The following ZFHX3 variants were observed in gnomAD, a reference collection of about 807,000 sequenced individuals.
ZFHX3 encodes the protein zinc finger homeobox 3, also known as zinc finger homeobox protein 3.
A neutral mutation model predicts 279.1 loss-of-function variants in ZFHX3; 42 were observed. The observed-to-expected ratio is 0.15, with a 90% CI of 0.12 to 0.19. The LOEUF is 0.19. Among genes scored for constraint, ZFHX3 ranks in the 10% least tolerant of loss-of-function variants. The probability of loss-of-function intolerance (pLI) is 1.00; values close to 1 mark genes in which losing one functional copy is unlikely to be tolerated. For synonymous variants in ZFHX3, 2,293 were observed against 1,957.8 expected, an observed-to-expected ratio of 1.17 and a Z score of -4.52; for missense variants, 4,981 against 4,754.0, an observed-to-expected ratio of 1.05 and a Z score of -1.40.
intron 2 of ZFHX3, among the ~76,000 whole-genome samples, chr16:73,505,936 A>G (rs2019318839): frequency 6.6e-6 from 1 of 152,208 alleles, no homozygotes; most frequent in Non-Finnish European, 1.5e-5. Flanking sequence ...CCGTCCATTC[A>G]GTATTTCTTG....
At chr16:73,432,373 T>G (rs1051041041) in intron 3 of ZFHX3, among the ~76,000 whole-genome samples, 5 of 152,164 alleles carry the variant, frequency 3.3e-5, no homozygotes, top group Admixed American at 6.5e-5. Flanking sequence ...GACTGGATAT[T>G]GAAACAGACA....
chr16:73,311,361 G>C (rs562423883), intron 4 of ZFHX3, among the ~76,000 whole-genome samples: 1 of 152,052 alleles, frequency 6.6e-6, no homozygotes, highest in Non-Finnish European at 1.5e-5. Flanking sequence ...TTGGGAGGCC[G>C]AGGCAGGCAG....
chr16:73,823,881 G>A (rs867658259), intron 1 of ZFHX3, among the ~76,000 whole-genome samples: 1 of 152,194 alleles, frequency 6.6e-6, no homozygotes, highest in African/African-American at 2.4e-5. Context: ...GATGGCAAGA[G>A]TCATAGGAGG....
chr16:73,585,237 G>A (rs2051912725), intron 2 of ZFHX3, among the ~76,000 whole-genome samples: 2 of 152,196 alleles, frequency 1.3e-5, no homozygotes, highest in Admixed American at 1.3e-4. Flanking sequence ...CCAACATGGT[G>A]AAACCCCATC....
At chr16:73,719,946 G>A (rs958195424) in intron 1 of ZFHX3, among the ~76,000 whole-genome samples, 7 of 152,094 alleles carry the variant, frequency 4.6e-5, no homozygotes, top group Non-Finnish European at 8.8e-5. Flanking sequence ...TTTTCTCACG[G>A]CTATCTTCCA....
At chr16:72,836,881 A>C (rs2037205978) in intron 4 of ZFHX3, among the ~76,000 whole-genome samples, 1 of 152,146 alleles carries the variant, frequency 6.6e-6, no homozygotes, top group African/African-American at 2.4e-5. Context: ...GGGCAGGAGA[A>C]AGCAGGCAGG....
chr16:73,267,918 A>G (rs1230082118), intron 4 of ZFHX3, among the ~76,000 whole-genome samples: 1 of 152,020 alleles, frequency 6.6e-6, no homozygotes, highest in East Asian at 1.9e-4. Context: ...TTATTTTTTC[A>G]ATTTGTGATG....
At chr16:73,512,657 C>T (rs2019453756) in intron 2 of ZFHX3, among the ~76,000 whole-genome samples, 1 of 152,060 alleles carries the variant, frequency 6.6e-6, no homozygotes, top group Non-Finnish European at 1.5e-5. Flanking sequence ...GGCAAAGATA[C>T]CTGGAGCCAG....
In ZFHX3 at chr16:72,796,136, G is replaced by C. The variant is rs147477608; in HGVS notation, c.6546C>G (p.Ser2182=). ...GCTTGATCACTTTCTGGGGCAACCC[G>C]GACTTGTCTGCCATCTCTTTTATTT... ...EEQIKEMADK[S]GLPQKVIKHW... Residue 2182 remains serine (S), a synonymous_variant, in exon 9 of 10, where the codon TCC becomes TCG. Coordinates refer to ENST00000268489, the MANE Select transcript of ZFHX3 (RefSeq NM_006885.4). 6.8e-6 allele frequency: 11 copies of C among 1,614,036 alleles called. 1 individual carries two copies. Among genetic ancestry groups the C allele is most frequent in the Middle Eastern group, 1.6e-4 (1 of 6,084 alleles).
intron 2 of ZFHX3, among the ~76,000 whole-genome samples, chr16:73,614,966 C>T (rs891538913): frequency 6.6e-6 from 1 of 151,822 alleles, no homozygotes; most frequent in African/African-American, 2.4e-5. Flanking sequence ...TGCCATGTTG[C>T]CCAGGCTGAT....
chr16:73,509,013 C>T (rs1408567681), intron 2 of ZFHX3, among the ~76,000 whole-genome samples: 1 of 152,132 alleles, frequency 6.6e-6, no homozygotes, highest in Non-Finnish European at 1.5e-5. Flanking sequence ...ATGGACCAAA[C>T]CCATCCCAAA....
chr16:72,864,118 GA>G (rs566874099), intron 4 of ZFHX3, among the ~76,000 whole-genome samples: 51 of 148,328 alleles, frequency 3.4e-4, no homozygotes, highest in African/African-American at 9.4e-4. Flanking sequence ...ACTCCATCTC[GA>G]AAAAAAAAAA....
At chr16:73,135,544 C>T (rs1032047299) in intron 6 of ZFHX3, among the ~76,000 whole-genome samples, 1 of 152,190 alleles carries the variant, frequency 6.6e-6, no homozygotes, top group African/African-American at 2.4e-5. Flanking sequence ...AGTTCCGAAT[C>T]GCTCACTTCT....
chr16:73,215,718 G>T (rs1030619858), intron 5 of ZFHX3, among the ~76,000 whole-genome samples: 1 of 152,178 alleles, frequency 6.6e-6, no homozygotes, highest in African/African-American at 2.4e-5. Context: ...AACTGATCAT[G>T]TCCTCTGTGT....
rs921876975 is a variant in ZFHX3, at chr16:72,786,595, A to C, written c.*569T>G. 6.6e-6 allele frequency: 1 copy of C among 151,800 alleles called. No individual in the cohort carries two copies. Among genetic ancestry groups the C allele is most frequent in the Non-Finnish European group, 1.5e-5 (1 of 67,854 alleles). 9.4% of individuals were successfully genotyped at this position (151,800 alleles called of 1,614,324 possible). On this transcript the variant is annotated 3_prime_UTR_variant, in exon 10 of 10. Coordinates refer to ENST00000268489, the MANE Select transcript of ZFHX3 (RefSeq NM_006885.4). Reference sequence around the variant, plus strand: ...AATCTTTTCTGGAACAAAAAAAAAAAAAAAAACTGAAAAAACAATAATATA... The same window carrying C: ...AATCTTTTCTGGAACAAAAAAAAAACAAAAAACTGAAAAAACAATAATATA...
chr16:73,701,119 T>C (rs979387836), intron 1 of ZFHX3, among the ~76,000 whole-genome samples: 2 of 152,168 alleles, frequency 1.3e-5, no homozygotes, highest in Non-Finnish European at 2.9e-5. Flanking sequence ...GAAGTTTAAA[T>C]GGAAAGGAAA....
At chr16:73,208,424 T>C (rs1408278320) in intron 5 of ZFHX3, among the ~76,000 whole-genome samples, 1 of 152,218 alleles carries the variant, frequency 6.6e-6, no homozygotes, top group Non-Finnish European at 1.5e-5. Flanking sequence ...GGCAGGATTA[T>C]ACCAGATGGT....
intron 5 of ZFHX3, among the ~76,000 whole-genome samples, chr16:73,230,626 T>A (rs2012743381): frequency 6.6e-6 from 1 of 152,186 alleles, no homozygotes. Flanking sequence ...ACTCTGATAT[T>A]CACATGTACC....
intron 3 of ZFHX3, among the ~76,000 whole-genome samples, chr16:73,435,925 C>T (rs561579393): frequency 6.6e-6 from 1 of 152,210 alleles, no homozygotes; most frequent in Admixed American, 6.5e-5. Context: ...TGCTGAGGCT[C>T]ACTGAATGGG....
Sources: gnomAD v4.1 joint callset for allele counts (sites outside exome capture counted in the v4.1 genomes callset) on GRCh38, gnomAD v4.1.1 for gene constraint, MANE v1.5 for transcripts, NCBI Gene and HGNC (gene_info 2026-07-23, HGNC 2026-07-21) for gene names.